DNAH6: variants seen among roughly 807,000 people sequenced by gnomAD.
DNAH6 encodes dynein axonemal heavy chain 6.
In DNAH6, 340 loss-of-function variants were observed where a neutral mutation model predicts 491.4. The observed-to-expected ratio is 0.69, with a 90% CI of 0.63 to 0.76. The LOEUF is 0.76. DNAH6 is among the 30% of genes least tolerant of loss of function. The pLI, the probability that DNAH6 is intolerant of heterozygous loss-of-function variation, is 0.00. For missense variants in DNAH6, 4,443 were observed against 4,972.2 expected, an observed-to-expected ratio of 0.89 and a Z score of 3.20; for synonymous variants, 1,603 against 1,686.1, an observed-to-expected ratio of 0.95 and a Z score of 1.21.
chr2:84,594,000 A>G lies in DNAH6; in HGVS notation c.2639A>G (p.Glu880Gly). The G allele has an allele frequency of 6.5e-7, 1 of 1,549,960 alleles. No individual in the cohort carries two copies. The highest frequency in any genetic ancestry group is 8.7e-7 in the Non-Finnish European group (1 of 1,146,046). ...GAAGTGTCCAAGTTTGAAGCTTTGG[A>G]AGAAGTCAGTGCTGAACTGAAGCTC... is the stretch of plus-strand genomic sequence containing the variant. ...KVEVSKFEALEEVSAELKLKQ... is the reference protein window; with the variant it reads ...KVEVSKFEALGEVSAELKLKQ... The change falls in exon 17 of 77, where the codon GAA becomes GGA. Residue 880 changes from glutamate (E) to glycine (G), a missense_variant. By Grantham distance (98) the Glu-to-Gly change is moderately conservative. This residue lies in a region of DNAH6 where 2,977 missense variants were observed against 3,296.6 expected (regional missense o/e 0.90). Coordinates refer to ENST00000389394, the MANE Select transcript of DNAH6 (RefSeq NM_001370.2).
At chr2:84,694,071 A>G (rs889870663) in intron 45 of DNAH6, among the ~76,000 whole-genome samples, 178 bp from the exon 46 acceptor site, 3 of 152,238 alleles carry the variant, frequency 2.0e-5, no homozygotes, top group Admixed American at 6.5e-5. Flanking sequence ...GAAAAAGAGA[A>G]AAGCCCAGCA....
intron 4 of DNAH6, among the ~76,000 whole-genome samples, chr2:84,533,331 A>T (rs1304385865): frequency 1.3e-5 from 2 of 152,154 alleles, no homozygotes; most frequent in Non-Finnish European, 2.9e-5. Context: ...AATATGCAGG[A>T]AATGAAGAGT....
At chr2:84,784,650 A>T (rs1677007126) in intron 65 of DNAH6, 72 bp from the exon 66 acceptor site, 3 of 898,894 alleles carry the variant, frequency 3.3e-6, no homozygotes, top group Non-Finnish European at 5.2e-6. Flanking sequence ...AGAAATAATC[A>T]TGTCTTATAG....
At chr2:84,671,064 A>G (rs1692694257) in intron 39 of DNAH6, among the ~76,000 whole-genome samples, 1 of 152,048 alleles carries the variant, frequency 6.6e-6, no homozygotes, top group Admixed American at 6.5e-5. Context: ...TGAAGGGGTC[A>G]TGGGATGCTC....
At chr2:84,517,174 C>T (rs1057376116) in intron 1 of DNAH6, among the ~76,000 whole-genome samples, 1 of 152,152 alleles carries the variant, frequency 6.6e-6, no homozygotes, top group African/African-American at 2.4e-5. Flanking sequence ...AGTATCTCCA[C>T]TCATCTAATG....
the DNAH6 span, among the ~76,000 whole-genome samples, chr2:84,466,107 C>T: frequency 3.9e-5 from 6 of 152,280 alleles, no homozygotes; most frequent in African/African-American, 1.4e-4. Context: ...CCCAAGGTAA[C>T]CTGGGGCTCC....
At chr2:84,559,300 G>A (rs1680405156) in intron 11 of DNAH6, among the ~76,000 whole-genome samples, 1 of 152,036 alleles carries the variant, frequency 6.6e-6, no homozygotes, top group South Asian at 2.1e-4. Context: ...TCTGGGGGAG[G>A]AAACAAGGTT....
At chr2:84,612,569 G>A (rs1558796844) in intron 22 of DNAH6, among the ~76,000 whole-genome samples, 1 of 152,134 alleles carries the variant, frequency 6.6e-6, no homozygotes, top group African/African-American at 2.4e-5. Context: ...GAAAAGAAAT[G>A]TTACATGGAA....
intron 75 of DNAH6, among the ~76,000 whole-genome samples, chr2:84,815,039 AGGTGCTCCCTCTGGGTGAT>A (rs1334811432): frequency 6.6e-6 from 1 of 152,228 alleles, no homozygotes; most frequent in Non-Finnish European, 1.5e-5. Flanking sequence ...GCATAGGAAA[AGGTGCTCCCTCTGGGTGAT>A]GCCCAGTTGG....
intron 15 of DNAH6, among the ~76,000 whole-genome samples, chr2:84,588,294 A>G (rs1290668451): frequency 6.6e-6 from 1 of 152,184 alleles, no homozygotes; most frequent in Non-Finnish European, 1.5e-5. Flanking sequence ...ATTTTCTCAG[A>G]TTATCCCAAA....
chr2:84,495,789 G>A, the DNAH6 span, among the ~76,000 whole-genome samples: 1 of 152,132 alleles, frequency 6.6e-6, no homozygotes, highest in African/African-American at 2.4e-5. Context: ...TAAGCAGCCC[G>A]TGACTTATGC....
chr2:84,729,739 G>A (rs996458171), intron 61 of DNAH6, among the ~76,000 whole-genome samples: 3 of 152,152 alleles, frequency 2.0e-5, no homozygotes, highest in African/African-American at 7.2e-5. Flanking sequence ...CCTCTGTCAT[G>A]AGGAAATTGG....
At chr2:84,595,373 T>C (rs576750794) in intron 17 of DNAH6, among the ~76,000 whole-genome samples, 10 of 152,266 alleles carry the variant, frequency 6.6e-5, no homozygotes, top group African/African-American at 2.4e-4. Flanking sequence ...AAAAAATAGC[T>C]ATTTGTCTCC....
chr2:84,624,197 G>A, intron 26 of DNAH6, 68 bp from the exon 27 acceptor site: 1 of 1,374,294 alleles, frequency 7.3e-7, no homozygotes, highest in Non-Finnish European at 9.7e-7. Context: ...ATTGAATGGT[G>A]AAAGAGATAA....
chr2:84,785,760 C>T lies in DNAH6; in HGVS notation c.11100+4C>T. ...TTTCTTCCATGCAATTATTCAGGTA[C>T]ACTCAACTCTGCTTTTCAATAGCAA... On this transcript the variant is annotated splice_donor_region_variant and intron_variant, in intron 67 of 76. Transcript: ENST00000389394. The T allele has an allele frequency of 6.6e-7, 1 of 1,520,954 alleles. No individual in the cohort carries two copies. Among genetic ancestry groups the T allele is most frequent in the Non-Finnish European group, 8.8e-7 (1 of 1,135,112 alleles). 94.2% of individuals were successfully genotyped at this position (1,520,954 alleles called of 1,614,324 possible).
At chr2:84,633,867 A>G (rs1688626538) in intron 29 of DNAH6, among the ~76,000 whole-genome samples, 1 of 152,172 alleles carries the variant, frequency 6.6e-6, no homozygotes, top group South Asian at 2.1e-4. Flanking sequence ...GTATGTGTTC[A>G]GTTGACCACC....
chr2:84,640,298 T>A (rs1558837577), intron 31 of DNAH6, 132 bp from the exon 32 acceptor site: 1 of 629,602 alleles, frequency 1.6e-6, no homozygotes, highest in Non-Finnish European at 2.6e-6. Flanking sequence ...TCAATCTTTA[T>A]GTTTCTTGAT....
intron 41 of DNAH6, among the ~76,000 whole-genome samples, chr2:84,680,916 C>T (rs1286546511): frequency 6.6e-6 from 1 of 152,090 alleles, no homozygotes; most frequent in Admixed American, 6.5e-5. Context: ...GATGGGGAAG[C>T]TGAAGTGTGA....
At position 84,705,692 on chromosome 2, in the gene DNAH6, A is replaced by T; in HGVS notation, c.8672A>T (p.Tyr2891Phe). ...ATGTGGGTAAGAGCTATGGATTTGT[A>T]CTCTCGAGTGGTCAAGGTCGTCGAA... The part of the protein sequence containing the change: ...MCMWVRAMDL[Y>F]SRVVKVVEPK... Residue 2891 changes from tyrosine to phenylalanine, a missense_variant, in exon 52 of 77, where the codon TAC (tyrosine) becomes TTC (phenylalanine). Tyr to Phe is a conservative substitution (Grantham distance 22). This residue lies in a region of DNAH6 where 1,463 missense variants were observed against 1,656.6 expected (regional missense o/e 0.88). Transcript: ENST00000389394. 6.4e-7 allele frequency: 1 copy of T among 1,551,724 alleles called. No individual in the cohort carries two copies. Among genetic ancestry groups the T allele is most frequent in the Non-Finnish European group, 8.7e-7 (1 of 1,146,980 alleles).
Sources: gnomAD v4.1 joint callset for allele counts (sites outside exome capture counted in the v4.1 genomes callset) on GRCh38, gnomAD v4.1.1 for gene constraint, gnomAD v4.1.1 regional missense constraint, MANE v1.5 for transcripts, NCBI Gene and HGNC (gene_info 2026-07-23, HGNC 2026-07-21) for gene names.